ZBTB16: variants seen among roughly 807,000 people sequenced by gnomAD.
The protein encoded by ZBTB16 is zinc finger and BTB domain containing 16.
In ZBTB16, 8 loss-of-function variants were observed where a neutral mutation model predicts 56.8. The observed-to-expected ratio is 0.14, with a 90% CI of 0.08 to 0.25. The LOEUF is 0.25. ZBTB16 is among the 10% of genes least tolerant of loss of function. The pLI, the probability that ZBTB16 is intolerant of heterozygous loss-of-function variation, is 1.00. For synonymous variants in ZBTB16, 363 were observed against 368.5 expected, an observed-to-expected ratio of 0.98 and a Z score of 0.17; for missense variants, 625 against 903.0, an observed-to-expected ratio of 0.69 and a Z score of 3.95.
intron 4 of ZBTB16, chr11:114,237,481 A>G (rs1448269873): frequency 6.6e-6 from 1 of 152,274 alleles, no homozygotes; most frequent in African/African-American, 2.4e-5. Context: ...ACGTCTCTCC[A>G]TAGCAGAGGA....
chr11:114,244,787 C>A (rs1275103839), intron 5 of ZBTB16, among the ~76,000 whole-genome samples: 1 of 152,020 alleles, frequency 6.6e-6, no homozygotes, highest in Non-Finnish European at 1.5e-5. Flanking sequence ...CTGTCTTAAC[C>A]CTTTGTTTTT....
intron 2 of ZBTB16, among the ~76,000 whole-genome samples, chr11:114,144,837 C>T (rs951963118): frequency 6.6e-6 from 1 of 152,232 alleles, no homozygotes; most frequent in East Asian, 1.9e-4. Context: ...TGGGATCCCT[C>T]TTATATTTTC....
At chr11:114,214,827 T>G (rs1944063879) in intron 4 of ZBTB16, among the ~76,000 whole-genome samples, 1 of 152,104 alleles carries the variant, frequency 6.6e-6, no homozygotes, top group Non-Finnish European at 1.5e-5. Flanking sequence ...TGTGGTGGTT[T>G]GTTTGTTTGT....
intron 2 of ZBTB16, among the ~76,000 whole-genome samples, chr11:114,122,526 T>C (rs930145964): frequency 6.6e-6 from 1 of 152,082 alleles, no homozygotes; most frequent in African/African-American, 2.4e-5. Flanking sequence ...GGATTTAATA[T>C]CATAATAAAG....
At chr11:114,100,957 G>T (rs1940584320) in intron 2 of ZBTB16, among the ~76,000 whole-genome samples, 2 of 152,010 alleles carry the variant, frequency 1.3e-5, no homozygotes, top group African/African-American at 4.8e-5. Flanking sequence ...CAGCATCTCG[G>T]GGGTCCCCGG....
chr11:114,084,532 T>C (rs1266053914), intron 2 of ZBTB16, among the ~76,000 whole-genome samples: 4 of 152,038 alleles, frequency 2.6e-5, no homozygotes, highest in African/African-American at 4.8e-5. Flanking sequence ...TTTTTTGAAC[T>C]AATGTAGAGA....
chr11:114,080,242 C>T (rs867340544), intron 2 of ZBTB16, among the ~76,000 whole-genome samples: 1 of 151,986 alleles, frequency 6.6e-6, no homozygotes, highest in Non-Finnish European at 1.5e-5. Context: ...TATTTTTTTC[C>T]CCTTTCCTGA....
chr11:114,070,055 G>T (rs1279659261), intron 2 of ZBTB16, among the ~76,000 whole-genome samples: 4 of 150,504 alleles, frequency 2.7e-5, no homozygotes, highest in Admixed American at 1.3e-4. Flanking sequence ...CCTAGACTCT[G>T]CTGGGGCTGT....
intron 2 of ZBTB16, among the ~76,000 whole-genome samples, chr11:114,105,978 A>G (rs556217032): frequency 1.3e-5 from 2 of 152,372 alleles, no homozygotes; most frequent in South Asian, 2.1e-4. Flanking sequence ...TAACTCAAGA[A>G]TGCAATTTCA....
chr11:114,106,928 A>G (rs1452923031), intron 2 of ZBTB16, among the ~76,000 whole-genome samples: 1 of 152,114 alleles, frequency 6.6e-6, no homozygotes, highest in Admixed American at 6.5e-5. Flanking sequence ...ACCAGCTCTC[A>G]TAGCCCAGTC....
chr11:114,215,980 A>G (rs1944086464), intron 4 of ZBTB16, among the ~76,000 whole-genome samples: 1 of 152,164 alleles, frequency 6.6e-6, no homozygotes. Context: ...AAGCTCTTGA[A>G]CAGAGCAGAC....
chr11:114,142,949 G>A (rs1368330312), intron 2 of ZBTB16, among the ~76,000 whole-genome samples: 1 of 152,156 alleles, frequency 6.6e-6, no homozygotes, highest in Non-Finnish European at 1.5e-5. Flanking sequence ...TTATGTGTGG[G>A]CTTAAAACCA....
intron 2 of ZBTB16, among the ~76,000 whole-genome samples, chr11:114,080,130 C>A (rs1939707957): frequency 6.6e-6 from 1 of 152,114 alleles, no homozygotes; most frequent in Non-Finnish European, 1.5e-5. Context: ...GGCACAGTGG[C>A]CTGAGTTTGA....
intron 4 of ZBTB16, among the ~76,000 whole-genome samples, chr11:114,226,757 G>A (rs959285562): frequency 1.3e-5 from 2 of 152,114 alleles, no homozygotes. Flanking sequence ...CCAGACACTC[G>A]TCTTCCTTCC....
In ZBTB16 at chr11:114,250,673, G is replaced by C; in HGVS notation, c.*118G>C. On this transcript the variant is annotated 3_prime_UTR_variant, in exon 7 of 7. Coordinates refer to ENST00000335953, the MANE Select transcript of ZBTB16 (RefSeq NM_006006.6). This position sits in a 1 kb window ranked among gnomAD's most constrained non-coding sequence, Gnocchi z 6.0. ...AGAAAAAAAAAAACAGAAGGAAAAG[G>C]AAACCTGGTAGCTTTTTGGCCTTGG... 1 of 1,204,812 alleles carries C rather than the reference G, an allele frequency of 8.3e-7. No homozygotes were observed. The highest frequency in any genetic ancestry group is 1.2e-6 in the Non-Finnish European group (1 of 859,960). 74.6% of individuals were successfully genotyped at this position (1,204,812 alleles called of 1,614,324 possible).
chr11:114,132,694 C>G (rs1272167730), intron 2 of ZBTB16, among the ~76,000 whole-genome samples: 1 of 152,126 alleles, frequency 6.6e-6, no homozygotes, highest in African/African-American at 2.4e-5. Flanking sequence ...ATTTATAAAC[C>G]AGGTTTTGAG....
intron 4 of ZBTB16, among the ~76,000 whole-genome samples, chr11:114,201,292 A>C (rs1441469069): frequency 1.3e-5 from 2 of 152,102 alleles, no homozygotes; most frequent in Non-Finnish European, 2.9e-5. Flanking sequence ...TCTGAGTTAG[A>C]CAGCCAGGAG....
At chr11:114,079,997 G>T (rs1468585208) in intron 2 of ZBTB16, among the ~76,000 whole-genome samples, 1 of 152,124 alleles carries the variant, frequency 6.6e-6, no homozygotes, top group African/African-American at 2.4e-5. Flanking sequence ...GTTGTTAAAA[G>T]AACAGAAAAG....
chr11:114,183,636 G>A (rs886524571), intron 3 of ZBTB16, among the ~76,000 whole-genome samples: 2 of 152,168 alleles, frequency 1.3e-5, no homozygotes, highest in Non-Finnish European at 2.9e-5. Context: ...GGAGCTGTGA[G>A]AGCGGATAGA....
Sources: allele counts gnomAD v4.1 joint callset (sites outside exome capture counted in the v4.1 genomes callset), GRCh38; gene constraint gnomAD v4.1.1; non-coding constraint Gnocchi (gnomAD v3.1); transcripts MANE v1.5; gene names NCBI Gene and HGNC (gene_info 2026-07-23, HGNC 2026-07-21).